The following ZSWIM6 variants were observed in gnomAD, a reference collection of about 807,000 sequenced individuals.
ZSWIM6 encodes the protein zinc finger SWIM domain-containing protein 6.
In ZSWIM6, 9 loss-of-function variants were observed where a neutral mutation model predicts 113.2. The ratio of observed to expected loss-of-function variants is 0.08; its 90% CI spans 0.05 to 0.14. ZSWIM6 has a LOEUF of 0.14. Among genes scored for constraint, ZSWIM6 ranks in the 10% least tolerant of loss-of-function variants. ZSWIM6 has a pLI of 1.00. For missense variants in ZSWIM6, 1,162 were observed against 1,552.2 expected, an observed-to-expected ratio of 0.75 and a Z score of 4.22; for synonymous variants, 611 against 606.5, an observed-to-expected ratio of 1.01 and a Z score of -0.11.
In ZSWIM6 at chr5:61,539,654, A is replaced by G. The variant is rs550903940; in HGVS notation, c.2598A>G (p.Ser866=). 3.6e-5 allele frequency: 56 copies of G among 1,552,060 alleles called. No individual in the cohort carries two copies. The South Asian group carries it at 6.5e-4, about 18-fold the overall frequency. ...LESIQKNIHS[S]SHIFKLAQDA... Reference sequence around the variant, plus strand: ...CCATCCAGAAAAACATTCACTCCTCATCACACATCTTCAAGCTTGCCCAAG... The same window carrying G: ...CCATCCAGAAAAACATTCACTCCTCGTCACACATCTTCAAGCTTGCCCAAG... The change falls in exon 12 of 14, where the codon TCA becomes TCG. Residue 866 remains serine (S), a synonymous_variant. Coordinates refer to ENST00000252744, the MANE Select transcript of ZSWIM6 (RefSeq NM_020928.2).
chr5:61,482,279 G>A (rs1447136215), intron 2 of ZSWIM6, among the ~76,000 whole-genome samples: 6 of 151,990 alleles, frequency 3.9e-5, no homozygotes, highest in Non-Finnish European at 8.8e-5. Context: ...GTTCTCACTC[G>A]TAAGTGGGAG....
intron 1 of ZSWIM6, among the ~76,000 whole-genome samples, chr5:61,443,542 G>A (rs1216979792): frequency 6.6e-6 from 1 of 152,174 alleles, no homozygotes. Flanking sequence ...CAAAATGACT[G>A]AATTTAGAAC....
rs928830085 is a variant in ZSWIM6 at position 61,356,711 on chromosome 5, A to T, written c.676+23763A>T. ...ATAATATACATATTTTATATATATA[A>T]TATATATAACATAATATATAATATA... On this transcript the variant is annotated intron_variant, in intron 1 of 13. Coordinates refer to ENST00000252744, the MANE Select transcript of ZSWIM6 (RefSeq NM_020928.2). Among the ~76,000 whole-genome samples, 1,160 of 118,350 alleles carry T rather than the reference A, an allele frequency of 9.8e-3. 22 individuals are homozygous for T. Among genetic ancestry groups the T allele is most frequent in the Non-Finnish European group, 0.015 (892 of 58,398 alleles). The allele number at this position is 118,350 out of a possible 152,430, so 77.6% of individuals were successfully genotyped here. A position where few individuals can be genotyped will look rare whatever the true frequency, so the allele number is the denominator to read the frequency against.
At chr5:61,514,321 C>T (rs1400371083) in intron 4 of ZSWIM6, among the ~76,000 whole-genome samples, 2 of 149,492 alleles carry the variant, frequency 1.3e-5, no homozygotes, top group East Asian at 2.0e-4. Flanking sequence ...CTTATACTTA[C>T]TGGTTCTAGG....
Position 61,472,583 on chromosome 5 carries a change from T to A in ZSWIM6, c.677-98T>A, listed in dbSNP as rs1428743457. The A allele has an allele frequency of 1.1e-6, 1 of 940,056 alleles. No individual in the cohort carries two copies. The highest frequency in any genetic ancestry group is 2.5e-5 in the South Asian group (1 of 40,458). 58.2% of individuals were successfully genotyped at this position (940,056 alleles called of 1,614,324 possible). A position where few individuals can be genotyped will look rare whatever the true frequency, so the allele number is the denominator to read the frequency against. ...ATATAGAGGCTGTCATATTTTTTTC[T>A]TGCTGCTGTCAAGTCCCACACATTT... On this transcript the variant is annotated intron_variant, in intron 1 of 13. Transcript: ENST00000252744. The surrounding 1 kb of genome is among the most constrained non-coding windows in gnomAD (Gnocchi z 4.1).
chr5:61,391,177 G>C (rs1745700621), intron 1 of ZSWIM6: 5 of 820,260 alleles, frequency 6.1e-6, no homozygotes, highest in Non-Finnish European at 1.1e-5. Flanking sequence ...CCAACGACTG[G>C]TGACCCCTTT....
At chr5:61,378,659 G>A (rs979088677) in intron 1 of ZSWIM6, among the ~76,000 whole-genome samples, 8 of 152,046 alleles carry the variant, frequency 5.3e-5, no homozygotes, top group Non-Finnish European at 7.4e-5. Flanking sequence ...AGGTTCAATC[G>A]GTTTTCCTGC....
At chr5:61,384,860 A>G (rs1370456121) in intron 1 of ZSWIM6, among the ~76,000 whole-genome samples, 1 of 152,162 alleles carries the variant, frequency 6.6e-6, no homozygotes, top group Non-Finnish European at 1.5e-5. Flanking sequence ...GATCGAGACC[A>G]TCCTGGCTAA....
At chr5:61,374,026 A>G (rs1745319036) in intron 1 of ZSWIM6, among the ~76,000 whole-genome samples, 1 of 152,174 alleles carries the variant, frequency 6.6e-6, no homozygotes, top group East Asian at 1.9e-4. Flanking sequence ...TTTTGTTTCT[A>G]TCTTGCCTTT....
At chr5:61,421,540 A>T (rs984262300) in intron 1 of ZSWIM6, among the ~76,000 whole-genome samples, 38 of 152,158 alleles carry the variant, frequency 2.5e-4, no homozygotes, top group African/African-American at 8.9e-4. Context: ...TACATAGGTA[A>T]ACTCATGTCA....
Position 61,391,243 on chromosome 5 carries a change from A to G in ZSWIM6, c.676+58295A>G. 7.7e-6 allele frequency: 7 copies of G among 906,166 alleles called. 2 individuals carry two copies. In the South Asian group the frequency reaches 9.1e-5, roughly 12 times the overall value. The allele number at this position is 906,166 out of a possible 1,614,324, so 56.1% of individuals were successfully genotyped here. A position where few individuals can be genotyped will look rare whatever the true frequency, so the allele number is the denominator to read the frequency against. On this transcript the variant is annotated intron_variant, in intron 1 of 13. Transcript: ENST00000252744. ...GTCGATCATCTTGTCCTGCTCAAAC[A>G]CTTGGTTCACAGGTACCTGCTGCTC...
chr5:61,375,218 G>T (rs1745347531), intron 1 of ZSWIM6: 2 of 1,612,852 alleles, frequency 1.2e-6, no homozygotes, highest in Non-Finnish European at 8.5e-7. Context: ...TATCTGAATC[G>T]ACCAAGGCCT....
At chr5:61,404,992 A>G (rs528845320) in intron 1 of ZSWIM6, among the ~76,000 whole-genome samples, 2 of 152,310 alleles carry the variant, frequency 1.3e-5, no homozygotes, top group South Asian at 4.2e-4. Context: ...ATAGGAGTCA[A>G]TACCAGTAGC....
chr5:61,368,935 T>C (rs1339505796), intron 1 of ZSWIM6, among the ~76,000 whole-genome samples: 1 of 152,224 alleles, frequency 6.6e-6, no homozygotes, highest in Non-Finnish European at 1.5e-5. Context: ...TGATAATACC[T>C]GCCTTGCTTA....
chr5:61,511,478 A>G (rs530277096), intron 4 of ZSWIM6, among the ~76,000 whole-genome samples: 1 of 152,046 alleles, frequency 6.6e-6, no homozygotes, highest in Non-Finnish European at 1.5e-5. Flanking sequence ...CAAATTTTTT[A>G]TGTTGAAATT....
chr5:61,529,012 T>C (rs939616123), intron 7 of ZSWIM6, among the ~76,000 whole-genome samples: 26 of 152,350 alleles, frequency 1.7e-4, no homozygotes, highest in East Asian at 5.8e-4. Flanking sequence ...TATTTTATAT[T>C]GTATGTAAAT....
At chr5:61,451,667 A>G (rs1747089206) in intron 1 of ZSWIM6, among the ~76,000 whole-genome samples, 1 of 152,228 alleles carries the variant, frequency 6.6e-6, no homozygotes, top group Non-Finnish European at 1.5e-5. Flanking sequence ...GAGAAGGCAG[A>G]TTTCTCATTA....
intron 1 of ZSWIM6, among the ~76,000 whole-genome samples, chr5:61,420,482 C>T (rs1167628141): frequency 1.3e-5 from 2 of 150,382 alleles, no homozygotes; most frequent in African/African-American, 2.4e-5. Flanking sequence ...TTTTTTTTAC[C>T]AGAACACAAT....
At position 61,332,503 on chromosome 5, in the gene ZSWIM6, G is replaced by A. The variant is rs1286268031; in HGVS notation, c.231G>A (p.Leu77=). Residue 77 remains leucine (L), a synonymous_variant, in exon 1 of 14, where the codon CTG becomes CTA. Coordinates refer to ENST00000252744, the MANE Select transcript of ZSWIM6 (RefSeq NM_020928.2). ...GCAAGACCCAGAGCCCCGAGTCGCT[G>A]CTGGACATCGCGGCGCGCAGGGTGG... ...PPGKTQSPES[L]LDIAARRVAE... 7.7e-7 allele frequency: 1 copy of A among 1,303,860 alleles called. No individual in the cohort carries two copies. The highest frequency in any genetic ancestry group is 1.3e-5 in the South Asian group (1 of 75,690). 80.8% of individuals were successfully genotyped at this position (1,303,860 alleles called of 1,614,324 possible).
Sources: allele counts gnomAD v4.1 joint callset (sites outside exome capture counted in the v4.1 genomes callset), GRCh38; gene constraint gnomAD v4.1.1; non-coding constraint Gnocchi (gnomAD v3.1); transcripts MANE v1.5; gene names NCBI Gene and HGNC (gene_info 2026-07-23, HGNC 2026-07-21).